Variants in DCDC1 observed in about 807,000 individuals in gnomAD.
The protein encoded by DCDC1 is doublecortin domain containing 1.
Under a neutral mutation model 178.3 loss-of-function variants are expected in DCDC1, and 200 were observed. The observed-to-expected ratio is 1.12, with a 90% CI of 1.00 to 1.26. The LOEUF (loss-of-function observed/expected upper bound fraction) is 1.26, where lower values mean the gene tolerates loss of function less well. DCDC1 is among the 50% of genes most tolerant of loss of function. The pLI is 0.00. For missense variants in DCDC1, 1,983 were observed against 1,749.2 expected (o/e 1.13, Z -2.38); for synonymous variants, 690 against 604.8 (o/e 1.14, Z -2.07).
At chr11:30,962,883 C>G (rs1949190320) in intron 20 of DCDC1, among the ~76,000 whole-genome samples, 1 of 152,006 alleles carries the variant, frequency 6.6e-6, no homozygotes, top group African/African-American at 2.4e-5. Flanking sequence ...GCTGTAAAAG[C>G]AAAGCTCTCT....
intron 38 of DCDC1, among the ~76,000 whole-genome samples, chr11:30,876,079 G>T (rs1016672228): frequency 2.0e-5 from 3 of 152,132 alleles, no homozygotes; most frequent in African/African-American, 7.2e-5. Flanking sequence ...CTACACTGTT[G>T]ATTAACATCT....
At chr11:31,158,399 G>A (rs906202269) in intron 9 of DCDC1, among the ~76,000 whole-genome samples, 1 of 151,996 alleles carries the variant, frequency 6.6e-6, no homozygotes, top group South Asian at 2.1e-4. Flanking sequence ...TTACAGGCGT[G>A]AGCCACCGCG....
chr11:31,328,135 A>C lies in DCDC1; in HGVS notation c.146T>G (p.Ile49Ser). ...TTCTTACCTTGGTAAATCATTCAAA[A>C]TATATTTGTAAATTGGGTTTACAGT... ...GNTVNPIYKY[I>S]LNDLPREFMS... is the part of the protein sequence containing the mutation. The change falls in exon 3 of 39, where the codon ATT becomes AGT. Residue 49 changes from isoleucine to serine, a missense_variant. Physicochemically the swap from Ile to Ser is moderately radical, Grantham distance 142. Coordinates refer to ENST00000684477, the MANE Select transcript of DCDC1 (RefSeq NM_001387274.1). 1.2e-6 allele frequency: 2 copies of C among 1,605,698 alleles called. No individual in the cohort carries two copies. Among genetic ancestry groups the C allele is most frequent in the Non-Finnish European group, 1.7e-6 (2 of 1,174,968 alleles).
intron 9 of DCDC1, among the ~76,000 whole-genome samples, chr11:31,203,290 C>A (rs1259681753): frequency 1.3e-5 from 2 of 152,012 alleles, no homozygotes; most frequent in Non-Finnish European, 2.9e-5. Context: ...GAACCTGGAG[C>A]AAGTGGATAC....
At chr11:31,195,722 T>A (rs1970616404) in intron 9 of DCDC1, among the ~76,000 whole-genome samples, 1 of 152,032 alleles carries the variant, frequency 6.6e-6, no homozygotes, top group Non-Finnish European at 1.5e-5. Context: ...TATAGTGACT[T>A]CCCCTACTTA....
intron 1 of DCDC1, among the ~76,000 whole-genome samples, chr11:31,341,812 T>C (rs553867371): frequency 1.2e-4 from 17 of 144,574 alleles, no homozygotes; most frequent in South Asian, 2.2e-4. Flanking sequence ...TGCATGACTA[T>C]ACACACACAC....
At chr11:31,083,662 A>G (rs1470856164) in intron 17 of DCDC1, among the ~76,000 whole-genome samples, 1 of 152,234 alleles carries the variant, frequency 6.6e-6, no homozygotes, top group Admixed American at 6.5e-5. Flanking sequence ...AAGAAAAGCC[A>G]GAAGTATGTC....
chr11:31,023,256 T>C (rs776951763), intron 20 of DCDC1, among the ~76,000 whole-genome samples: 9 of 152,118 alleles, frequency 5.9e-5, no homozygotes, highest in East Asian at 1.9e-4. Flanking sequence ...AAAAAATACA[T>C]GCATATATCC....
intron 1 of DCDC1, among the ~76,000 whole-genome samples, chr11:31,349,522 T>C (rs548442014): frequency 2.6e-5 from 4 of 152,320 alleles, no homozygotes; most frequent in Non-Finnish European, 5.9e-5. Flanking sequence ...AATTAACTTG[T>C]CTTATTAAAG....
intron 9 of DCDC1, among the ~76,000 whole-genome samples, chr11:31,210,716 A>T (rs1161811075): frequency 6.6e-6 from 1 of 151,880 alleles, no homozygotes; most frequent in East Asian, 1.9e-4. Context: ...GTCTCAAAAA[A>T]AAAAAAAAAA....
chr11:31,004,992 C>T (rs892845809), intron 20 of DCDC1, among the ~76,000 whole-genome samples: 4 of 152,162 alleles, frequency 2.6e-5, no homozygotes, highest in East Asian at 1.9e-4. Flanking sequence ...GAACCCACCA[C>T]GCAGAAATTA....
chr11:31,063,538 T>C (rs145562961), intron 20 of DCDC1, among the ~76,000 whole-genome samples: 1 of 152,246 alleles, frequency 6.6e-6, no homozygotes, highest in Non-Finnish European at 1.5e-5. Context: ...AATAAGTTTT[T>C]TGTCTCTTTT....
intron 21 of DCDC1, among the ~76,000 whole-genome samples, chr11:30,934,291 T>A (rs1037832426): frequency 9.9e-5 from 15 of 152,194 alleles, no homozygotes; most frequent in African/African-American, 3.4e-4. Context: ...ATCTCTCTGG[T>A]TTTGGTGGCC....
At chr11:31,052,822 A>T (rs188790950) in intron 20 of DCDC1, among the ~76,000 whole-genome samples, 2 of 152,308 alleles carry the variant, frequency 1.3e-5, no homozygotes, top group Admixed American at 6.5e-5. Flanking sequence ...AACCTCTGGG[A>T]TACAGCAAAG....
intron 6 of DCDC1, among the ~76,000 whole-genome samples, chr11:31,305,328 T>A (rs1486726396): frequency 6.6e-6 from 1 of 152,152 alleles, no homozygotes; most frequent in Non-Finnish European, 1.5e-5. Flanking sequence ...AATTCAATAA[T>A]CTCTGATTTA....
At position 31,137,703 on chromosome 11, in the gene DCDC1, C is replaced by T; in HGVS notation, c.1303G>A (p.Glu435Lys). The change falls in exon 10 of 39, where the codon GAA (glutamate) becomes AAA (lysine). Residue 435 changes from glutamate (E) to lysine (K), a missense_variant. Physicochemically the swap from Glu to Lys is moderately conservative, Grantham distance 56. Transcript: ENST00000684477. ...LSMTAKEHHK[E>K]QEEVSRLIDE... ...AGTAATTTCCTTACTTCTTCCTGTT[C>T]CTTATGGTGTTCCTTTGCCGTCATT... 1.4e-6 allele frequency: 1 copy of T among 702,704 alleles called. No homozygotes were observed. Among genetic ancestry groups the T allele is most frequent in the Non-Finnish European group, 2.6e-6 (1 of 384,882 alleles). The allele number at this position is 702,704 out of a possible 1,614,324, so 43.5% of individuals were successfully genotyped here.
chr11:31,001,705 A>G (rs1240247696), intron 20 of DCDC1, among the ~76,000 whole-genome samples: 1 of 152,256 alleles, frequency 6.6e-6, no homozygotes, highest in Non-Finnish European at 1.5e-5. Flanking sequence ...GACAGAAATC[A>G]TATCACAGCC....
At chr11:30,865,438 G>T (rs1252344384) in intron 38 of DCDC1, 106 bp from the exon 39 acceptor site, 1 of 153,158 alleles carries the variant, frequency 6.5e-6, no homozygotes, top group African/African-American at 2.4e-5. Flanking sequence ...AAGTTCAGTA[G>T]AATTTGCTAT....
intron 20 of DCDC1, among the ~76,000 whole-genome samples, chr11:31,014,763 CCACTCAGTG>C (rs1164920552): frequency 6.6e-6 from 1 of 152,088 alleles, no homozygotes; most frequent in Non-Finnish European, 1.5e-5. Flanking sequence ...CATAAGGCGT[CCACTCAGTG>C]GTATTTAGTT....
Sources: allele counts gnomAD v4.1 joint callset (sites outside exome capture counted in the v4.1 genomes callset), GRCh38; gene constraint gnomAD v4.1.1; transcripts MANE v1.5; gene names NCBI Gene and HGNC (gene_info 2026-07-23, HGNC 2026-07-21).